VAV3: variants seen among roughly 807,000 people sequenced by gnomAD.
VAV3 encodes the protein vav guanine nucleotide exchange factor 3.
VAV3 carries 94 observed loss-of-function variants against 131.2 expected under a neutral mutation model. The observed-to-expected ratio is 0.72, with a 90% confidence interval of 0.61 to 0.85. VAV3 has a LOEUF of 0.85. Among genes scored for constraint, VAV3 ranks in the 40% least tolerant of loss-of-function variants. The probability of loss-of-function intolerance (pLI) is 0.00; values close to 1 mark genes in which losing one functional copy is unlikely to be tolerated. For missense variants in VAV3, 939 were observed against 1,002.7 expected (o/e 0.94, Z 0.86); for synonymous variants, 349 against 342.0 (o/e 1.02, Z -0.22).
At chr1:107,646,798 G>C (rs996912778) in intron 19 of VAV3, among the ~76,000 whole-genome samples, 2 of 152,052 alleles carry the variant, frequency 1.3e-5, no homozygotes, top group Admixed American at 6.6e-5. Context: ...TCTACTAATA[G>C]TCGTGTGTTT....
intron 1 of VAV3, among the ~76,000 whole-genome samples, chr1:107,898,693 G>A (rs1671721734): frequency 6.6e-6 from 1 of 151,980 alleles, no homozygotes; most frequent in South Asian, 2.1e-4. Flanking sequence ...ATTTTTGTAG[G>A]TATTTAAAAA....
intron 15 of VAV3, among the ~76,000 whole-genome samples, chr1:107,713,491 T>C (rs1035387691): frequency 1.3e-5 from 2 of 151,798 alleles, no homozygotes; most frequent in Admixed American, 6.6e-5. Context: ...AACATCCCAA[T>C]TGGAAAAATA....
At chr1:107,853,855 C>T (rs1355259259) in intron 2 of VAV3, among the ~76,000 whole-genome samples, 1 of 152,126 alleles carries the variant, frequency 6.6e-6, no homozygotes, top group Non-Finnish European at 1.5e-5. Flanking sequence ...AAGAATATTC[C>T]ACAGACAACT....
chr1:107,806,222 T>C (rs765413693), intron 2 of VAV3, among the ~76,000 whole-genome samples: 1 of 152,262 alleles, frequency 6.6e-6, no homozygotes, highest in East Asian at 1.9e-4. Context: ...ATGGGGAAGA[T>C]GGCTGTCCAC....
intron 19 of VAV3, among the ~76,000 whole-genome samples, chr1:107,666,721 C>T (rs987256702): frequency 2.0e-5 from 3 of 152,048 alleles, no homozygotes; most frequent in African/African-American, 7.3e-5. Flanking sequence ...AGGTGCACAC[C>T]ACCACACCCA....
At position 107,846,012 on chromosome 1, in the gene VAV3, C is replaced by T. The variant is rs529817734; in HGVS notation, c.321+28889G>A. Among the ~76,000 whole-genome samples, 11 of 152,044 alleles carry T rather than the reference C, an allele frequency of 7.2e-5. 1 individual carries two copies. In the South Asian group the frequency reaches 1.0e-3, roughly 14 times the overall value. Reference sequence around the variant, plus strand: ...ACAAATAATTATCAGATCCCCAAGGCAGAAATGAAGGAAAAAATGTTAAGG... The same window carrying T: ...ACAAATAATTATCAGATCCCCAAGGTAGAAATGAAGGAAAAAATGTTAAGG... On this transcript the variant is annotated intron_variant, in intron 2 of 26. Transcript: ENST00000370056.
At chr1:107,704,909 AG>A (rs920716842) in intron 16 of VAV3, 50 bp downstream of exon 16, 2 of 1,535,830 alleles carry the variant, frequency 1.3e-6, no homozygotes, top group Non-Finnish European at 1.8e-6. Context: ...TGAAACACTT[AG>A]CAATTATATC....
In VAV3 at chr1:107,755,483, T is replaced by G. The variant is rs750690067; in HGVS notation, c.1117A>C (p.Arg373=). The change falls in exon 12 of 27, where the codon AGA becomes CGA. Residue 373 remains arginine (R), a synonymous_variant. Coordinates refer to ENST00000370056, the MANE Select transcript of VAV3 (RefSeq NM_006113.5). ...ATTTCACGAAGGGTCTCATTATCTCTTTTCACTTCATTCACATATTGTGCC... is the reference window on the plus strand; with the variant it reads ...ATTTCACGAAGGGTCTCATTATCTCGTTTCACTTCATTCACATATTGTGCC... ...DLAQYVNEVK[R]DNETLREIKQ... 1 of 1,613,680 alleles carries G rather than the reference T, an allele frequency of 6.2e-7. No homozygotes were observed. The highest frequency in any genetic ancestry group is 1.1e-5 in the South Asian group (1 of 91,050).
intron 15 of VAV3, among the ~76,000 whole-genome samples, chr1:107,732,060 A>G (rs1662275648): frequency 1.3e-5 from 2 of 152,248 alleles, no homozygotes; most frequent in African/African-American, 4.8e-5. Context: ...CAGGAGCCCA[A>G]TAACTCTGAA....
intron 2 of VAV3, among the ~76,000 whole-genome samples, chr1:107,830,905 A>C: frequency 6.6e-6 from 1 of 152,216 alleles, no homozygotes; most frequent in East Asian, 1.9e-4. Context: ...ATATCGTGTT[A>C]TATCTGTATT....
rs1557823894 is a variant in VAV3 at position 107,755,479 on chromosome 1, T to C, written c.1121A>G (p.Asp374Gly). ...LAQYVNEVKRDNETLREIKQF... is the reference protein window; with the variant it reads ...LAQYVNEVKRGNETLREIKQF... ...TTTAATTTCACGAAGGGTCTCATTA[T>C]CTCTTTTCACTTCATTCACATATTG... is the stretch of plus-strand genomic sequence containing the variant. The change falls in exon 12 of 27, where the codon GAT becomes GGT. Residue 374 changes from aspartate to glycine, a missense_variant. Physicochemically the swap from Asp to Gly is moderately conservative, Grantham distance 94. Coordinates refer to ENST00000370056, the MANE Select transcript of VAV3 (RefSeq NM_006113.5). 3 of 1,613,804 alleles carry C rather than the reference T, an allele frequency of 1.9e-6. No individual in the cohort carries two copies.
At chr1:107,886,946 A>C (rs1224267017) in intron 1 of VAV3, among the ~76,000 whole-genome samples, 1 of 152,112 alleles carries the variant, frequency 6.6e-6, no homozygotes, top group African/African-American at 2.4e-5. Context: ...AAAGCATTAC[A>C]TTAACAAATG....
intron 25 of VAV3, among the ~76,000 whole-genome samples, chr1:107,585,929 T>A (rs1021967819): frequency 2.0e-5 from 3 of 152,168 alleles, no homozygotes; most frequent in Non-Finnish European, 4.4e-5. Context: ...GTCACACAAG[T>A]GGCCTGTTAG....
chr1:107,670,441 C>A (rs1657704332), intron 19 of VAV3, among the ~76,000 whole-genome samples: 1 of 152,040 alleles, frequency 6.6e-6, no homozygotes. Flanking sequence ...AATTAAATAA[C>A]AGCCAAATTA....
intron 24 of VAV3, 148 bp downstream of exon 24, chr1:107,602,249 T>C: frequency 2.0e-6 from 1 of 505,990 alleles, no homozygotes; most frequent in Non-Finnish European, 3.4e-6. Flanking sequence ...AATTAGAATT[T>C]TCAGGATTTT....
intron 25 of VAV3, among the ~76,000 whole-genome samples, chr1:107,586,863 G>A (rs2101032641): frequency 6.6e-6 from 1 of 152,118 alleles, no homozygotes; most frequent in East Asian, 1.9e-4. Context: ...ACTAATCACA[G>A]TAAATAGCTA....
intron 1 of VAV3, among the ~76,000 whole-genome samples, chr1:107,906,457 G>C (rs886663499): frequency 6.6e-6 from 1 of 152,090 alleles, no homozygotes; most frequent in Non-Finnish European, 1.5e-5. Flanking sequence ...GAGGTCAGGA[G>C]ATCGAGACCA....
chr1:107,838,250 A>C (rs772303663), intron 2 of VAV3, among the ~76,000 whole-genome samples: 2 of 152,224 alleles, frequency 1.3e-5, no homozygotes, highest in African/African-American at 2.4e-5. Flanking sequence ...CAGGAACTTA[A>C]ATAAATCAAG....
At chr1:107,596,778 AAAAC>A (rs1266482048) in intron 24 of VAV3, among the ~76,000 whole-genome samples, 1 of 152,226 alleles carries the variant, frequency 6.6e-6, no homozygotes, top group African/African-American at 2.4e-5. Flanking sequence ...AAATGGCAGA[AAAAC>A]AAACTTATGC....
Sources: gnomAD v4.1 joint callset for allele counts (sites outside exome capture counted in the v4.1 genomes callset) on GRCh38, gnomAD v4.1.1 for gene constraint, MANE v1.5 for transcripts, NCBI Gene and HGNC (gene_info 2026-07-23, HGNC 2026-07-21) for gene names.